The following FARSB variants were observed in gnomAD, a reference collection of about 807,000 sequenced individuals.
FARSB encodes the protein phenylalanine--tRNA ligase beta subunit.
In FARSB, 40 loss-of-function variants were observed where a neutral mutation model predicts 69.6. The observed-to-expected ratio is 0.57, with a 90% CI of 0.45 to 0.75. The LOEUF is 0.75. Ranked by LOEUF, FARSB falls within the 30% of genes least tolerant of loss-of-function variation. The pLI is 0.00. For synonymous variants in FARSB, 235 were observed against 247.2 expected (o/e 0.95, Z 0.46); for missense variants, 632 against 722.9 (o/e 0.87, Z 1.44).
chr2:222,653,324 A>G (rs928852596), intron 1 of FARSB, among the ~76,000 whole-genome samples: 1 of 152,104 alleles, frequency 6.6e-6, no homozygotes, highest in Non-Finnish European at 1.5e-5. Context: ...AAACAATGGA[A>G]TTTCAAATAG....
chr2:222,606,127 C>T (rs919347857), intron 15 of FARSB, among the ~76,000 whole-genome samples: 35 of 152,076 alleles, frequency 2.3e-4, no homozygotes, highest in South Asian at 2.1e-4. Flanking sequence ...ATTATTTAGG[C>T]GCCCCCTCCC....
chr2:222,599,202 T>TA (rs1295375674), intron 16 of FARSB, among the ~76,000 whole-genome samples: 4 of 152,206 alleles, frequency 2.6e-5, no homozygotes, highest in Non-Finnish European at 5.9e-5. Flanking sequence ...CACAGTGAGG[T>TA]AAACGGTAGG....
At chr2:222,580,284 G>A (rs1016159835) in intron 16 of FARSB, among the ~76,000 whole-genome samples, 8 of 151,958 alleles carry the variant, frequency 5.3e-5, no homozygotes, top group South Asian at 4.1e-4. Flanking sequence ...ATTTAATCCT[G>A]AAGTTGTTTC....
rs1049279758 is a variant in FARSB at position 222,617,807 on chromosome 2, C to T, written c.1344+1838G>A. Among the ~76,000 whole-genome samples the T allele has an allele frequency of 2.0e-5, 3 of 152,146 alleles. No individual in the cohort carries two copies. The East Asian group carries it at 5.8e-4, about 29-fold the overall frequency. The stretch of plus-strand genomic sequence containing the variant: ...CTGGGGCACAAGAATCGCTTGAACC[C>T]AAGAGGCGGAGGTTGCAGTGAGCCA... On this transcript the variant is annotated intron_variant, in intron 14 of 16. Transcript: ENST00000281828.
chr2:222,644,313 C>T (rs1392542480), intron 2 of FARSB, among the ~76,000 whole-genome samples: 3 of 151,882 alleles, frequency 2.0e-5, no homozygotes, highest in Non-Finnish European at 2.9e-5. Flanking sequence ...AAAACCTCTA[C>T]CTTGGGCATC....
chr2:222,611,440 T>TG (rs535740624), intron 15 of FARSB, among the ~76,000 whole-genome samples: 3,060 of 15,060 alleles, frequency 0.2, 52 homozygotes, highest in Non-Finnish European at 0.22. Context: ...TTCTTCTTTT[T>TG]GGGGGGGCGG....
intron 1 of FARSB, among the ~76,000 whole-genome samples, chr2:222,651,185 G>A (rs1322355547): frequency 1.3e-5 from 2 of 152,196 alleles, no homozygotes; most frequent in Non-Finnish European, 1.5e-5. Context: ...TCCTGGTTAA[G>A]AAGAGGCGGA....
rs553460339 is a variant in FARSB, at chr2:222,648,950, G to C, written c.59-155C>G. Among the ~76,000 whole-genome samples, 168 of 152,234 alleles carry C rather than the reference G, an allele frequency of 1.1e-3. 3 individuals are homozygous for C. The South Asian group carries it at 0.012, about 11-fold the overall frequency. ...TTATCATTTAAAAACAAACAGGCCA[G>C]GCATGGTGGCTCATGCCTGTAATCC... is the stretch of plus-strand genomic sequence containing the variant. On this transcript the variant is annotated intron_variant, in intron 1 of 16. Coordinates refer to ENST00000281828, the MANE Select transcript of FARSB (RefSeq NM_005687.5).
chr2:222,569,314 G>C lies in FARSB; in HGVS notation c.*2557C>G, dbSNP rs1689678037. 6.6e-6 allele frequency: 1 copy of C among 152,100 alleles called. No homozygotes were observed. Among genetic ancestry groups the C allele is most frequent in the Non-Finnish European group, 1.5e-5 (1 of 68,010 alleles). 9.4% of individuals were successfully genotyped at this position (152,100 alleles called of 1,614,324 possible). The stretch of plus-strand genomic sequence containing the variant: ...TGGGTAGCTGCTGACAGAACAAATG[G>C]TTCCACCTACTTCAACAAGGGCTAT... On this transcript the variant is annotated 3_prime_UTR_variant, in exon 17 of 17. Transcript: ENST00000281828.
At position 222,572,037 on chromosome 2, in the gene FARSB, G is replaced by A. The variant is rs1689730781; in HGVS notation, c.1619-15C>T. 6.2e-7 allele frequency: 1 copy of A among 1,603,432 alleles called. No individual in the cohort carries two copies. Among genetic ancestry groups the A allele is most frequent in the African/African-American group, 1.4e-5 (1 of 74,066 alleles). ...GAAAGCAGGCCCTGAAAAAGAGAAA[G>A]TAAGAGAAAAATCAATGTTTCTTCT... On this transcript the variant is annotated splice_polypyrimidine_tract_variant and intron_variant, in intron 16 of 16. Coordinates refer to ENST00000281828, the MANE Select transcript of FARSB (RefSeq NM_005687.5).
rs764720008 is a variant in FARSB at position 222,613,835 on chromosome 2, T to C, written c.1438A>G (p.Ile480Val). ...CCTGTATTAGAATCTTTTATTACAA[T>C]GTCAGAGATTTCAAACAGTTTCAGT... ...LPLKLFEISD[I>V]VIKDSNTDVG... Residue 480 changes from isoleucine to valine, a missense_variant, in exon 15 of 17, where the codon ATT becomes GTT. Coordinates refer to ENST00000281828, the MANE Select transcript of FARSB (RefSeq NM_005687.5). The C allele has an allele frequency of 5.0e-6, 8 of 1,596,644 alleles. No homozygotes were observed. In the South Asian group the frequency reaches 6.6e-5, roughly 13 times the overall value.
chr2:222,613,875 A>C lies in FARSB; in HGVS notation c.1398T>G (p.Arg466=). 1 of 1,614,000 alleles carries C rather than the reference A, an allele frequency of 6.2e-7. No homozygotes were observed. Among genetic ancestry groups the C allele is most frequent in the East Asian group, 2.2e-5 (1 of 44,872 alleles). The change falls in exon 15 of 17, where the codon CGT becomes CGG. Residue 466 remains arginine (R), a synonymous_variant. Transcript: ENST00000281828. ...PGLLKTIAAN[R]KMPLPLKLFE... ...ACAGTTTCAGTGGAAGGGGCATCTT[A>C]CGATTTGCTGCTATGGTCTTCAGGA... is the stretch of plus-strand genomic sequence containing the variant.
intron 16 of FARSB, among the ~76,000 whole-genome samples, chr2:222,582,660 C>A (rs1439241719): frequency 2.6e-5 from 4 of 152,240 alleles, no homozygotes; most frequent in African/African-American, 9.6e-5. Flanking sequence ...CGCAGTGGCT[C>A]ACGCCTGTAA....
chr2:222,591,999 A>G (rs1690286253), intron 16 of FARSB, among the ~76,000 whole-genome samples: 1 of 152,234 alleles, frequency 6.6e-6, no homozygotes. Context: ...CTTAGAAGTT[A>G]GCTTGAAACT....
rs1007899236 is a variant in FARSB at position 222,586,639 on chromosome 2, G to T, written c.1618+13289C>A. Among the ~76,000 whole-genome samples the T allele has an allele frequency of 3.9e-4, 59 of 152,134 alleles. 1 individual carries two copies. Among genetic ancestry groups the T allele is most frequent in the African/African-American group, 1.4e-3 (59 of 41,462 alleles). On this transcript the variant is annotated intron_variant, in intron 16 of 16. Transcript: ENST00000281828. ...ATCTCACATGCAGAGATACACACAG[G>T]CTCAAAATAAAGGGATGGAGGAAGA...
At position 222,571,876 on chromosome 2, in the gene FARSB, A is replaced by G. The variant is rs751862914; in HGVS notation, c.1765T>C (p.Leu589=). The change falls in exon 17 of 17, where the codon TTG becomes CTG. Residue 589 remains leucine, a synonymous_variant. Transcript: ENST00000281828. ...CACACCACAGAGACCAATCTTCACAAAAAGGGTCCAACATTGATTTCTAGG... is the reference window on the plus strand; with the variant it reads ...CACACCACAGAGACCAATCTTCACAGAAAGGGTCCAACATTGATTTCTAGG... ...SSLEINVGPF[L] is the part of the protein sequence containing the mutation. 1 of 1,612,408 alleles carries G rather than the reference A, an allele frequency of 6.2e-7. No homozygotes were observed. Among genetic ancestry groups the G allele is most frequent in the Non-Finnish European group, 8.5e-7 (1 of 1,179,300 alleles).
chr2:222,601,894 C>T (rs1690570417), intron 15 of FARSB, among the ~76,000 whole-genome samples: 1 of 152,102 alleles, frequency 6.6e-6, no homozygotes, highest in South Asian at 2.1e-4. Context: ...AAACTCTGGG[C>T]TCAAGTGATC....
rs143154293 is a variant in FARSB, at chr2:222,623,700, G to A, written c.1201C>T (p.Arg401Ter). Residue 401 changes from arginine (R) to a stop codon, truncating the protein, a stop_gained, in exon 13 of 17, where the codon CGA (arginine) becomes TGA (stop). Coordinates refer to ENST00000281828, the MANE Select transcript of FARSB (RefSeq NM_005687.5). LOFTEE classifies it high-confidence loss of function. Reference sequence around the variant, plus strand: ...AAGCCAGCGGCTGCCATGTCATGTCGGAGAAGTTCAGTGAGCTTATTAAGA... The same window carrying A: ...AAGCCAGCGGCTGCCATGTCATGTCAGAGAAGTTCAGTGAGCTTATTAAGA... ...FPLNKLTELL[R>*]HDMAAAGFTE... The A allele has an allele frequency of 8.1e-6, 13 of 1,611,542 alleles. No individual in the cohort carries two copies. The highest frequency in any genetic ancestry group is 1.1e-5 in the South Asian group (1 of 90,980).
intron 16 of FARSB, among the ~76,000 whole-genome samples, chr2:222,577,330 G>C (rs1317762345): frequency 6.6e-6 from 1 of 152,198 alleles, no homozygotes; most frequent in Non-Finnish European, 1.5e-5. Flanking sequence ...AGTCTGTAAA[G>C]AGAGGGGACC....
Sources: allele counts gnomAD v4.1 joint callset (sites outside exome capture counted in the v4.1 genomes callset), GRCh38; gene constraint gnomAD v4.1.1; transcripts MANE v1.5; gene names NCBI Gene and HGNC (gene_info 2026-07-23, HGNC 2026-07-21).